BRINP1: variants seen among roughly 807,000 people sequenced by gnomAD.
BRINP1 encodes the protein BMP/retinoic acid inducible neural specific 1, also known as BMP/retinoic acid-inducible neural-specific protein 1.
Under a neutral mutation model 72.9 loss-of-function variants are expected in BRINP1, and 17 were observed. That is an observed-to-expected ratio of 0.23 (90% CI 0.16 to 0.35). The LOEUF is 0.35. Among genes scored for constraint, BRINP1 ranks in the 10% least tolerant of loss-of-function variants. The pLI, the probability that BRINP1 is intolerant of heterozygous loss-of-function variation, is 1.00. For synonymous variants in BRINP1, 418 were observed against 378.5 expected (o/e 1.10, Z -1.21); for missense variants, 850 against 1,001.6 (o/e 0.85, Z 2.04).
In BRINP1 at chr9:119,336,067, T is replaced by A. The variant is rs150392204; in HGVS notation, c.-50-22662A>T. Among the ~76,000 whole-genome samples, 9 of 152,300 alleles carry A rather than the reference T, an allele frequency of 5.9e-5. No individual in the cohort carries two copies. In the South Asian group the frequency reaches 1.7e-3, roughly 28 times the overall value. On this transcript the variant is annotated intron_variant, in intron 1 of 7. Transcript: ENST00000265922. ...TCTCTTGGTGTGCACATTTATTATG[T>A]GTTATTGGCATCACCATTTACATGT...
At chr9:119,352,056 C>T (rs1197408290) in intron 1 of BRINP1, among the ~76,000 whole-genome samples, 2 of 151,982 alleles carry the variant, frequency 1.3e-5, no homozygotes, top group Non-Finnish European at 1.5e-5. Flanking sequence ...CCTCAGCCTC[C>T]GAAAGTTCTG....
intron 5 of BRINP1, among the ~76,000 whole-genome samples, chr9:119,236,422 A>G (rs1588173020): frequency 6.6e-6 from 1 of 152,370 alleles, no homozygotes; most frequent in African/African-American, 2.4e-5. Context: ...GTGTGTATTT[A>G]GAATGAGAAA....
At position 119,214,082 on chromosome 9, in the gene BRINP1, A is replaced by G. The variant is rs1267528884; in HGVS notation, c.759T>C (p.Asn253=). ...VQSALSYIMC[N]GEGEYLCQNS... is the part of the protein sequence containing the mutation. ...TCTGGCACAGGTACTCCCCCTCCCC[A>G]TTGCACATGATATAGCTCAAGGCCG... The change falls in exon 6 of 8, where the codon AAT becomes AAC. Residue 253 remains asparagine, a synonymous_variant. Coordinates refer to ENST00000265922, the MANE Select transcript of BRINP1 (RefSeq NM_014618.3). 6.2e-7 allele frequency: 1 copy of G among 1,614,106 alleles called. No homozygotes were observed. Among genetic ancestry groups the G allele is most frequent in the Non-Finnish European group, 8.5e-7 (1 of 1,180,024 alleles).
intron 2 of BRINP1, among the ~76,000 whole-genome samples, chr9:119,289,240 TAAG>T (rs1830799227): frequency 6.6e-6 from 1 of 152,168 alleles, no homozygotes; most frequent in Non-Finnish European, 1.5e-5. Context: ...ATTCTGGAAT[TAAG>T]AAGTAATTGG....
intron 1 of BRINP1, among the ~76,000 whole-genome samples, chr9:119,333,136 G>A (rs1042449060): frequency 6.6e-6 from 1 of 151,588 alleles, no homozygotes; most frequent in Non-Finnish European, 1.5e-5. Flanking sequence ...ATCTAGTGTG[G>A]CTTGTGAGTC....
At chr9:119,323,178 A>G (rs1831206686) in intron 1 of BRINP1, among the ~76,000 whole-genome samples, 3 of 152,166 alleles carry the variant, frequency 2.0e-5, no homozygotes, top group Admixed American at 1.3e-4. Context: ...CCTCACCTCA[A>G]GCTTCCACAG....
At chr9:119,212,222 T>C (rs1829936275) in intron 6 of BRINP1, among the ~76,000 whole-genome samples, 1 of 152,214 alleles carries the variant, frequency 6.6e-6, no homozygotes, top group African/African-American at 2.4e-5. Context: ...GGATCCCTGA[T>C]GCATTCTGGG....
intron 7 of BRINP1, among the ~76,000 whole-genome samples, chr9:119,179,441 A>G (rs1347192029): frequency 1.3e-5 from 2 of 152,206 alleles, no homozygotes; most frequent in African/African-American, 4.8e-5. Context: ...ATAGGTACCC[A>G]CACTGGCTCT....
At chr9:119,207,587 TTGAGA>T (rs1317212528) in intron 7 of BRINP1, among the ~76,000 whole-genome samples, 6 of 152,146 alleles carry the variant, frequency 3.9e-5, no homozygotes, top group Admixed American at 2.0e-4. Flanking sequence ...CAAAATTGTC[TTGAGA>T]TATTTTCAAA....
chr9:119,195,358 T>C (rs1276225225), intron 7 of BRINP1, among the ~76,000 whole-genome samples: 2 of 152,252 alleles, frequency 1.3e-5, no homozygotes, highest in Non-Finnish European at 2.9e-5. Flanking sequence ...CCTATGCCTA[T>C]GTAGGATGGC....
At chr9:119,355,596 G>A (rs1381940130) in intron 1 of BRINP1, among the ~76,000 whole-genome samples, 1 of 152,036 alleles carries the variant, frequency 6.6e-6, no homozygotes, top group African/African-American at 2.4e-5. Flanking sequence ...GGGCGTGGTG[G>A]TGGGTGCCTG....
chr9:119,285,598 C>G (rs993521539), intron 2 of BRINP1, among the ~76,000 whole-genome samples: 1 of 152,156 alleles, frequency 6.6e-6, no homozygotes, highest in Non-Finnish European at 1.5e-5. Context: ...AATTATTTAT[C>G]TAATTGTCAA....
intron 7 of BRINP1, among the ~76,000 whole-genome samples, chr9:119,193,797 C>T (rs552237564): frequency 4.7e-4 from 72 of 152,282 alleles, no homozygotes; most frequent in Non-Finnish European, 8.7e-4. Context: ...CTATTTCTCC[C>T]GTAAAGACAA....
At chr9:119,209,367 C>T (rs1367859479) in intron 6 of BRINP1, among the ~76,000 whole-genome samples, 1 of 152,078 alleles carries the variant, frequency 6.6e-6, no homozygotes, top group African/African-American at 2.4e-5. Flanking sequence ...GCCAGGAGTT[C>T]TAGACCAGCC....
chr9:119,166,716 ATC>A lies in BRINP1; in HGVS notation c.*366_*367del, dbSNP rs1025773550. 2.3e-5 allele frequency: 4 copies of A among 172,640 alleles called. No individual in the cohort carries two copies. The highest frequency in any genetic ancestry group is 9.6e-5 in the African/African-American group (4 of 41,858). The allele number at this position is 172,640 out of a possible 1,614,324, so 10.7% of individuals were successfully genotyped here. ...GCAGTGTCAGTTGTACATTACATAT[ATC>A]TCTCTTTCTTTTTAGTGTTTAATCT... On this transcript the variant is annotated 3_prime_UTR_variant, in exon 8 of 8. Transcript: ENST00000265922.
intron 1 of BRINP1, among the ~76,000 whole-genome samples, chr9:119,320,285 C>T (rs1340761004): frequency 6.6e-6 from 1 of 152,140 alleles, no homozygotes. Flanking sequence ...CTCTATCTCC[C>T]TCTCATCAAA....
At chr9:119,306,715 G>GC (rs1346059995) in intron 2 of BRINP1, among the ~76,000 whole-genome samples, 4 of 152,210 alleles carry the variant, frequency 2.6e-5, no homozygotes, top group Admixed American at 6.5e-5. Context: ...TTCCCAGAAG[G>GC]GAGAATTTTC....
At chr9:119,263,668 T>G (rs987838000) in intron 2 of BRINP1, among the ~76,000 whole-genome samples, 4 of 136,806 alleles carry the variant, frequency 2.9e-5, no homozygotes. Flanking sequence ...AGTGCAGTGG[T>G]GCGATCTCTG....
intron 1 of BRINP1, among the ~76,000 whole-genome samples, chr9:119,365,173 A>G (rs1831679077): frequency 6.6e-6 from 1 of 152,224 alleles, no homozygotes. Flanking sequence ...GGTGATAAAG[A>G]GATTAATTCC....
Sources: allele counts gnomAD v4.1 joint callset (sites outside exome capture counted in the v4.1 genomes callset), GRCh38; gene constraint gnomAD v4.1.1; transcripts MANE v1.5; gene names NCBI Gene and HGNC (gene_info 2026-07-23, HGNC 2026-07-21).